FRMD5: variants seen among roughly 807,000 people sequenced by gnomAD.
FRMD5 encodes FERM domain containing 5, also known as FERM domain-containing protein 5.
Under a neutral mutation model 69.0 loss-of-function variants are expected in FRMD5, and 20 were observed. That is an observed-to-expected ratio of 0.29 (90% CI 0.20 to 0.42). The LOEUF is 0.42. FRMD5 is among the 10% of genes least tolerant of loss of function. The probability of loss-of-function intolerance (pLI) is 1.00; values close to 1 mark genes in which losing one functional copy is unlikely to be tolerated. For missense variants in FRMD5, 595 were observed against 708.6 expected (o/e 0.84, Z 1.82); for synonymous variants, 271 against 260.1 (o/e 1.04, Z -0.40).
intron 1 of FRMD5, among the ~76,000 whole-genome samples, chr15:44,119,726 CTTCTTT>C (rs1405124362): frequency 2.5e-5 from 1 of 40,216 alleles, no homozygotes; most frequent in Non-Finnish European, 7.0e-5. Context: ...AGACTGTCTA[CTTCTTT>C]TTTTTTTTTT....
chr15:44,004,103 A>T (rs191106451), intron 1 of FRMD5, among the ~76,000 whole-genome samples: 121 of 152,362 alleles, frequency 7.9e-4, no homozygotes, highest in African/African-American at 2.9e-3. Flanking sequence ...CTATAATAGC[A>T]ATTTGGACCA....
intron 1 of FRMD5, chr15:44,063,989 TG>T: frequency 4.4e-6 from 1 of 229,842 alleles, no homozygotes; most frequent in South Asian, 6.6e-5. Context: ...TCAGTTCCCC[TG>T]GCCAAGGTCA....
intron 1 of FRMD5, among the ~76,000 whole-genome samples, chr15:44,181,044 CT>C (rs1566989345): frequency 1.3e-5 from 2 of 151,992 alleles, no homozygotes; most frequent in African/African-American, 4.8e-5. Flanking sequence ...AATTTAATCA[CT>C]TTTTTTATTT....
intron 1 of FRMD5, among the ~76,000 whole-genome samples, chr15:44,104,796 T>C (rs1261737439): frequency 1.3e-5 from 2 of 152,172 alleles, no homozygotes; most frequent in South Asian, 2.1e-4. Flanking sequence ...ACATACCCTG[T>C]TGTTAAGTAA....
chr15:44,189,235 A>T (rs2078153582), intron 1 of FRMD5, among the ~76,000 whole-genome samples: 1 of 152,202 alleles, frequency 6.6e-6, no homozygotes, highest in South Asian at 2.1e-4. Flanking sequence ...AGTAAAACAC[A>T]ATCTTTAGAA....
intron 1 of FRMD5, among the ~76,000 whole-genome samples, chr15:43,941,275 G>A (rs893874742): frequency 1.3e-5 from 2 of 152,174 alleles, no homozygotes; most frequent in African/African-American, 4.8e-5. Context: ...GGCTGAGGTG[G>A]GAGGATCGCT....
intron 1 of FRMD5, chr15:44,101,614 T>C (rs1245125598): frequency 2.0e-5 from 3 of 152,648 alleles, no homozygotes; most frequent in African/African-American, 4.8e-5. Flanking sequence ...ATGAATGTAC[T>C]TGTTCCCAAG....
intron 1 of FRMD5, among the ~76,000 whole-genome samples, chr15:43,946,291 A>G (rs1487467641): frequency 6.6e-6 from 1 of 152,174 alleles, no homozygotes; most frequent in African/African-American, 2.4e-5. Context: ...CTCAGTGTGT[A>G]TGTGTGTGCG....
chr15:44,039,812 G>A (rs1275715110), intron 1 of FRMD5, among the ~76,000 whole-genome samples: 2 of 152,082 alleles, frequency 1.3e-5, no homozygotes, highest in Non-Finnish European at 2.9e-5. Flanking sequence ...AAGAAAACTG[G>A]ATGGAGAATG....
intron 1 of FRMD5, among the ~76,000 whole-genome samples, chr15:44,052,788 C>T (rs1566922052): frequency 6.6e-6 from 1 of 152,042 alleles, no homozygotes; most frequent in Non-Finnish European, 1.5e-5. Flanking sequence ...ATGTTAGAGC[C>T]AGAAAGGGCC....
chr15:43,902,974 A>G (rs1389974623), intron 6 of FRMD5, among the ~76,000 whole-genome samples: 1 of 152,196 alleles, frequency 6.6e-6, no homozygotes, highest in Non-Finnish European at 1.5e-5. Context: ...GACAGTGCTG[A>G]GCTCCCATGC....
chr15:44,047,172 G>A (rs1892463618), intron 1 of FRMD5, among the ~76,000 whole-genome samples: 1 of 152,140 alleles, frequency 6.6e-6, no homozygotes, highest in Non-Finnish European at 1.5e-5. Context: ...AATTGGGCAT[G>A]GTGGCGGGTG....
chr15:43,876,590 G>A (rs766756989), intron 13 of FRMD5, among the ~76,000 whole-genome samples: 3 of 152,166 alleles, frequency 2.0e-5, no homozygotes, highest in Non-Finnish European at 4.4e-5. Context: ...ATCAAATACC[G>A]AATATCCTTG....
intron 1 of FRMD5, among the ~76,000 whole-genome samples, chr15:43,964,026 T>G (rs2090250726): frequency 6.6e-6 from 1 of 151,888 alleles, no homozygotes; most frequent in Non-Finnish European, 1.5e-5. Context: ...CTGCACATTG[T>G]GCACATGTAC....
At chr15:43,949,190 C>T (rs16950215) in intron 1 of FRMD5, among the ~76,000 whole-genome samples, 15,146 of 152,206 alleles carry the variant, frequency 0.1, 1,139 homozygotes, top group African/African-American at 0.2. Context: ...GTGTGGATGA[C>T]TGGGAAAGGC....
chr15:44,199,274 G>A (rs116829826), upstream of FRMD5, among the ~76,000 whole-genome samples: 12 of 152,242 alleles, frequency 7.9e-5, no homozygotes, highest in East Asian at 1.9e-4. Context: ...TAACTTGGAC[G>A]TATGACATAG....
chr15:44,050,455 G>T (rs985355267), intron 1 of FRMD5, among the ~76,000 whole-genome samples: 2 of 149,556 alleles, frequency 1.3e-5, no homozygotes, highest in Non-Finnish European at 3.0e-5. Flanking sequence ...AACCTCCTGA[G>T]CTCAAGCTGT....
chr15:44,097,379 A>G (rs1384923953), intron 1 of FRMD5, among the ~76,000 whole-genome samples: 1 of 152,236 alleles, frequency 6.6e-6, no homozygotes, highest in East Asian at 1.9e-4. Flanking sequence ...GGGAGACTTC[A>G]GACAAGCAGT....
chr15:44,186,084 C>T (rs2078096069), intron 1 of FRMD5, among the ~76,000 whole-genome samples: 2 of 152,118 alleles, frequency 1.3e-5, no homozygotes, highest in African/African-American at 4.8e-5. Flanking sequence ...TGCGTCACCA[C>T]ACCCAGCTAA....
Sources: allele counts gnomAD v4.1 joint callset (sites outside exome capture counted in the v4.1 genomes callset), GRCh38; gene constraint gnomAD v4.1.1; transcripts MANE v1.5; gene names NCBI Gene and HGNC (gene_info 2026-07-23, HGNC 2026-07-21).